MGAM2: variants seen among roughly 807,000 people sequenced by gnomAD.
MGAM2 encodes probable maltase-glucoamylase 2.
In MGAM2, 98 loss-of-function variants were observed where a neutral mutation model predicts 96.1. The observed-to-expected ratio is 1.02, with a 90% CI of 0.87 to 1.21. The LOEUF is 1.21. Ranked by LOEUF, MGAM2 falls within the 50% of genes most tolerant of loss-of-function variation. The pLI is 0.00. For missense variants in MGAM2, 2,055 were observed against 1,182.4 expected (o/e 1.74, Z -10.82); for synonymous variants, 749 against 414.8 (o/e 1.81, Z -9.79).
intron 45 of MGAM2, among the ~76,000 whole-genome samples, chr7:142,207,072 G>C (rs1797423446): frequency 6.6e-6 from 1 of 152,226 alleles, no homozygotes; most frequent in Admixed American, 6.5e-5. Context: ...TGGTTTGGGA[G>C]AGAATATGTT....
chr7:142,176,699 C>A (rs1471062112), intron 32 of MGAM2, among the ~76,000 whole-genome samples: 2 of 152,022 alleles, frequency 1.3e-5, no homozygotes, highest in Non-Finnish European at 2.9e-5. Context: ...ACACAGAGAG[C>A]AATAAAGAAG....
chr7:142,220,785 G>C lies in MGAM2; in HGVS notation c.6274G>C (p.Val2092Leu), dbSNP rs1490362280. Residue 2092 changes from valine to leucine, a missense_variant, in exon 48 of 48, where the codon GTG becomes CTG. Transcript: ENST00000477922. ...GCCTTCTCCTACAAGTAGTACTACT[G>C]TGAGTACTATTGCTACCGTTCCCAT... is the stretch of plus-strand genomic sequence containing the variant. ...TMPSPTSSTTVSTIATVPISV... is the reference protein window; with the variant it reads ...TMPSPTSSTTLSTIATVPISV... 1 of 702,018 alleles carries C rather than the reference G, an allele frequency of 1.4e-6. No individual in the cohort carries two copies. Among genetic ancestry groups the C allele is most frequent in the Non-Finnish European group, 2.6e-6 (1 of 384,782 alleles). 43.5% of individuals were successfully genotyped at this position (702,018 alleles called of 1,614,324 possible).
intron 1 of MGAM2, among the ~76,000 whole-genome samples, chr7:142,114,546 A>T (rs1817321429): frequency 6.6e-6 from 1 of 152,240 alleles, no homozygotes; most frequent in Admixed American, 6.5e-5. Context: ...ACACAGAGTC[A>T]TTAACAGAGT....
intron 27 of MGAM2, among the ~76,000 whole-genome samples, chr7:142,170,764 C>T (rs564164185): frequency 6.6e-6 from 1 of 152,138 alleles, no homozygotes; most frequent in Non-Finnish European, 1.5e-5. Context: ...GGGTGAGGTT[C>T]CCTATCCCAG....
At chr7:142,193,422 T>G (rs959868391) in intron 37 of MGAM2, among the ~76,000 whole-genome samples, 6 of 152,128 alleles carry the variant, frequency 3.9e-5, no homozygotes, top group African/African-American at 7.2e-5. Context: ...CACTGAACCA[T>G]TTTTATTTCT....
intron 44 of MGAM2, among the ~76,000 whole-genome samples, chr7:142,199,665 T>G (rs1337531437): frequency 2.6e-5 from 4 of 152,230 alleles, no homozygotes; most frequent in Non-Finnish European, 4.4e-5. Flanking sequence ...TTTTAGAAAT[T>G]GAAGCTAAAC....
intron 46 of MGAM2, among the ~76,000 whole-genome samples, chr7:142,218,084 A>AAAAC (rs879412815): frequency 2.3e-4 from 35 of 152,222 alleles, no homozygotes; most frequent in East Asian, 5.8e-4. Context: ...ACTCCATCTC[A>AAAAC]AAACAAACAA....
chr7:142,166,703 A>G (rs781476919), intron 25 of MGAM2, among the ~76,000 whole-genome samples: 12 of 152,184 alleles, frequency 7.9e-5, no homozygotes, highest in Non-Finnish European at 1.6e-4. Context: ...CTGTCTCCCT[A>G]TCAAACTTCC....
rs1585207578 is a variant in MGAM2, at chr7:142,196,470, G to C, written c.4481-95G>C. The C allele has an allele frequency of 5.7e-6, 4 of 697,428 alleles. No individual in the cohort carries two copies. In the Admixed American group the frequency reaches 6.1e-5, roughly 11 times the overall value. The allele number at this position is 697,428 out of a possible 1,614,324, so 43.2% of individuals were successfully genotyped here. A position where few individuals can be genotyped will look rare whatever the true frequency, so the allele number is the denominator to read the frequency against. On this transcript the variant is annotated intron_variant, in intron 38 of 47. Coordinates refer to ENST00000477922, the MANE Select transcript of MGAM2 (RefSeq NM_001293626.2). ...CTTTTAATATTTTCATCATGGTCCA[G>C]GGCTTTCTAATGGGGTAAGGAAAAA...
At chr7:142,167,105 A>G (rs1217235904) in intron 25 of MGAM2, among the ~76,000 whole-genome samples, 163 bp from the exon 26 acceptor site, 1 of 152,204 alleles carries the variant, frequency 6.6e-6, no homozygotes, top group African/African-American at 2.4e-5. Context: ...TCACATTTAC[A>G]GGTATCAGGG....
chr7:142,203,814 C>G (rs754772751), intron 45 of MGAM2, among the ~76,000 whole-genome samples: 6 of 151,908 alleles, frequency 3.9e-5, no homozygotes, highest in Non-Finnish European at 8.8e-5. Flanking sequence ...GAAACTGAAC[C>G]CTTACCTTTC....
chr7:142,220,640 T>G lies in MGAM2; in HGVS notation c.6129T>G (p.Ala2043=), dbSNP rs142199936. Residue 2043 remains alanine (A), a synonymous_variant, in exon 48 of 48, where the codon GCT becomes GCG. Coordinates refer to ENST00000477922, the MANE Select transcript of MGAM2 (RefSeq NM_001293626.2). ...TTGTTVPDTT[A]PFPTSTTSTS... ...GTACTACTGTTCCTGATACAACTGC[T>G]CCTTTCCCTACAAGTACTACTAGTA... is the stretch of plus-strand genomic sequence containing the variant. 791 of 702,302 alleles carry G rather than the reference T, an allele frequency of 1.1e-3. 3 individuals are homozygous for G. The African/African-American group carries it at 0.012, about 11-fold the overall frequency. The allele number at this position is 702,302 out of a possible 1,614,324, so 43.5% of individuals were successfully genotyped here. A position where few individuals can be genotyped will look rare whatever the true frequency, so the allele number is the denominator to read the frequency against.
At chr7:142,122,491 A>G (rs532034655) in intron 3 of MGAM2, among the ~76,000 whole-genome samples, 1 of 152,358 alleles carries the variant, frequency 6.6e-6, no homozygotes, top group South Asian at 2.1e-4. Context: ...ATCACTTCAG[A>G]AAGTTATCTT....
chr7:142,153,325 G>T (rs947277545), intron 15 of MGAM2, among the ~76,000 whole-genome samples: 1 of 152,120 alleles, frequency 6.6e-6, no homozygotes. Flanking sequence ...ATTGTTTTAC[G>T]TAACATGTAA....
intron 37 of MGAM2, among the ~76,000 whole-genome samples, chr7:142,195,041 C>CA (rs1413467147): frequency 6.6e-6 from 1 of 152,106 alleles, no homozygotes; most frequent in Admixed American, 6.6e-5. Context: ...CCTCTGTGTG[C>CA]AAAACATGTC....
chr7:142,157,938 A>G lies in MGAM2; in HGVS notation c.1925A>G (p.Asp642Gly), dbSNP rs1400650392. Residue 642 changes from aspartate (D) to glycine (G), a missense_variant and splice_region_variant, in exon 18 of 48, where the codon GAC (aspartate) becomes GGC (glycine). Asp to Gly is a moderately conservative substitution (Grantham distance 94, BLOSUM62 -1). Coordinates refer to ENST00000477922, the MANE Select transcript of MGAM2 (RefSeq NM_001293626.2). ...PRNHNGPGFR[D>G]QDPAAFGVDS... Reference sequence around the variant, plus strand: ...GCCATTCCTTCCATTTTCTCCTAGGACCAGGATCCCGCTGCCTTTGGTGTT... The same window carrying G: ...GCCATTCCTTCCATTTTCTCCTAGGGCCAGGATCCCGCTGCCTTTGGTGTT... 1 of 702,794 alleles carries G rather than the reference A, an allele frequency of 1.4e-6. No homozygotes were observed. The highest frequency in any genetic ancestry group is 1.7e-5 in the African/African-American group (1 of 57,260). 43.5% of individuals were successfully genotyped at this position (702,794 alleles called of 1,614,324 possible). A position where few individuals can be genotyped will look rare whatever the true frequency, so the allele number is the denominator to read the frequency against.
chr7:142,201,205 G>A (rs1797219679), intron 45 of MGAM2, among the ~76,000 whole-genome samples: 1 of 148,992 alleles, frequency 6.7e-6, no homozygotes, highest in African/African-American at 2.5e-5. Context: ...CGAGTAGCTG[G>A]GATTTCAGGT....
At chr7:142,142,731 G>T (rs1356395382) in intron 12 of MGAM2, among the ~76,000 whole-genome samples, 1 of 151,872 alleles carries the variant, frequency 6.6e-6, no homozygotes, top group Non-Finnish European at 1.5e-5. Flanking sequence ...TGTATTTTTA[G>T]TAGAGACGGA....
At chr7:142,153,147 G>A (rs116522609) in intron 15 of MGAM2, among the ~76,000 whole-genome samples, 3,205 of 151,910 alleles carry the variant, frequency 0.021, 114 homozygotes, top group African/African-American at 0.074. Flanking sequence ...AGCTACAGGC[G>A]CACACCACCA....
Sources: gnomAD v4.1 joint callset for allele counts (sites outside exome capture counted in the v4.1 genomes callset) on GRCh38, gnomAD v4.1.1 for gene constraint, MANE v1.5 for transcripts, NCBI Gene and HGNC (gene_info 2026-07-23, HGNC 2026-07-21) for gene names.